Variants in ACKR5 observed in about 807,000 individuals in gnomAD.
ACKR5 encodes the protein atypical chemokine receptor 5, also known as G protein-coupled receptor 182.
chr12:56,994,885 A>C, the ACKR5 span, among the ~76,000 whole-genome samples: 1 of 112,398 alleles, frequency 8.9e-6, no homozygotes, highest in African/African-American at 3.5e-5. Context: ...CCACCTAGGA[A>C]TGGTGGGTGT....
At chr12:56,995,948 C>T in the ACKR5 span, 12 of 1,612,366 alleles carry the variant, frequency 7.4e-6, no homozygotes, top group East Asian at 2.2e-5. This position sits in a 1 kb window ranked among gnomAD's most constrained non-coding sequence, Gnocchi z 4.7. Flanking sequence ...CCGGCTGCGG[C>T]AGCCAGGACA....
chr12:56,998,378 T>C, the ACKR5 span: 1 of 152,322 alleles, frequency 6.6e-6, no homozygotes, highest in Admixed American at 6.5e-5. Context: ...CCCTAACTTC[T>C]TGAGGTCTGT....
the ACKR5 span, chr12:56,995,503 G>T: frequency 6.2e-7 from 1 of 1,614,148 alleles, no homozygotes; most frequent in Non-Finnish European, 8.5e-7. This position sits in a 1 kb window ranked among gnomAD's most constrained non-coding sequence, Gnocchi z 4.7. Flanking sequence ...TGGCCATCGC[G>T]GACCTGGGCA....
At chr12:56,995,725 C>T in the ACKR5 span, 1 of 1,613,828 alleles carries the variant, frequency 6.2e-7, no homozygotes, top group Non-Finnish European at 8.5e-7. This position sits in a 1 kb window ranked among gnomAD's most constrained non-coding sequence, Gnocchi z 4.7. Context: ...TGCGGCGGGC[C>T]ATGTGTGCAG....
At chr12:56,995,834 G>A in the ACKR5 span, 2 of 1,614,006 alleles carry the variant, frequency 1.2e-6, no homozygotes, top group Non-Finnish European at 1.7e-6. The surrounding 1 kb of genome is among the most constrained non-coding windows in gnomAD (Gnocchi z 4.7). Context: ...GGCACCTTTT[G>A]AAACGTACAG....
the ACKR5 span, chr12:56,996,606 T>A: frequency 3.5e-6 from 2 of 570,442 alleles, no homozygotes; most frequent in Non-Finnish European, 6.2e-6. Flanking sequence ...GCCCTCAGTG[T>A]TGTACTATTT....
chr12:56,996,578 A>C, the ACKR5 span: 3 of 666,522 alleles, frequency 4.5e-6, no homozygotes, highest in Non-Finnish European at 7.7e-6. Flanking sequence ...AGACAGGATC[A>C]GGAGCGATAG....
chr12:56,997,184 T>G, the ACKR5 span: 1 of 152,220 alleles, frequency 6.6e-6, no homozygotes, highest in Admixed American at 6.5e-5. Flanking sequence ...GCTGACCTCT[T>G]ACCAGCTTCG....
At chr12:56,998,488 A>G in the ACKR5 span, 1 of 152,306 alleles carries the variant, frequency 6.6e-6, no homozygotes, top group Admixed American at 6.5e-5. Context: ...AAGACACACC[A>G]TGTCCCCGCA....
the ACKR5 span, chr12:56,996,420 G>A: frequency 3.8e-6 from 6 of 1,575,000 alleles, no homozygotes; most frequent in Non-Finnish European, 5.2e-6. Flanking sequence ...CTTACACCCA[G>A]CTGAGGTAGA....
At chr12:56,995,620 G>T in the ACKR5 span, 2 of 1,614,144 alleles carry the variant, frequency 1.2e-6, no homozygotes, top group Non-Finnish European at 1.7e-6. The surrounding 1 kb of genome is among the most constrained non-coding windows in gnomAD (Gnocchi z 4.7). Context: ...TTGTCAACAT[G>T]TATAGCAGCA....
At chr12:56,995,608 C>T in the ACKR5 span, 1 of 1,614,066 alleles carries the variant, frequency 6.2e-7, no homozygotes, top group Non-Finnish European at 8.5e-7. The surrounding 1 kb of genome is among the most constrained non-coding windows in gnomAD (Gnocchi z 4.7). Flanking sequence ...ACTACTTCTA[C>T]TTTGTCAACA....
chr12:56,996,488 T>A, the ACKR5 span: 35 of 1,459,422 alleles, frequency 2.4e-5, no homozygotes, highest in Non-Finnish European at 3.2e-5. Context: ...GGTGGGAGAT[T>A]TGGGGGGATG....
the ACKR5 span, chr12:56,996,270 C>G: frequency 1.2e-6 from 2 of 1,614,224 alleles, no homozygotes; most frequent in Middle Eastern, 1.6e-4. Flanking sequence ...TCCTCTTCCT[C>G]CTGTTCCACC....
chr12:56,996,187 C>T, the ACKR5 span: 2 of 1,614,150 alleles, frequency 1.2e-6, no homozygotes, highest in African/African-American at 1.3e-5. Context: ...TCAGCCCACA[C>T]TTCCGGGGCC....
chr12:56,995,730 G>T, the ACKR5 span: 6 of 1,613,864 alleles, frequency 3.7e-6, no homozygotes, highest in Non-Finnish European at 5.1e-6. This position sits in a 1 kb window ranked among gnomAD's most constrained non-coding sequence, Gnocchi z 4.7. Flanking sequence ...CGGGCCATGT[G>T]TGCAGGCATC....
At chr12:56,996,380 A>G in the ACKR5 span, 18 of 1,604,728 alleles carry the variant, frequency 1.1e-5, no homozygotes, top group Non-Finnish European at 1.4e-5. Context: ...TTTGCTTCCA[A>G]ATACTTCCCC....
the ACKR5 span, chr12:56,995,561 A>T: frequency 3.1e-6 from 5 of 1,614,074 alleles, no homozygotes; most frequent in South Asian, 4.4e-5. The surrounding 1 kb of genome is among the most constrained non-coding windows in gnomAD (Gnocchi z 4.7). Context: ...GCTGGACTAC[A>T]CCTGGCTCTG....
the ACKR5 span, chr12:56,995,132 C>T: frequency 7.2e-7 from 1 of 1,386,500 alleles, no homozygotes; most frequent in Non-Finnish European, 9.9e-7. The surrounding 1 kb of genome is among the most constrained non-coding windows in gnomAD (Gnocchi z 4.7). Flanking sequence ...CTGGCCTCTA[C>T]CTTGAGGACA....
Sources: gnomAD v4.1 joint callset for allele counts (sites outside exome capture counted in the v4.1 genomes callset) on GRCh38, gnomAD v4.1.1 for gene constraint, Gnocchi (gnomAD v3.1) non-coding constraint, MANE v1.5 for transcripts, NCBI Gene and HGNC (gene_info 2026-07-23, HGNC 2026-07-21) for gene names.